Variants in FANK1 observed in about 807,000 individuals in gnomAD.
The protein encoded by FANK1 is fibronectin type III and ankyrin repeat domains 1.
Under a neutral mutation model 45.3 loss-of-function variants are expected in FANK1, and 44 were observed. That is an observed-to-expected ratio of 0.97 (90% CI 0.76 to 1.25). The LOEUF (loss-of-function observed/expected upper bound fraction) is 1.25, where lower values mean the gene tolerates loss of function less well. Among genes scored for constraint, FANK1 ranks in the 50% most tolerant of loss-of-function variants. FANK1 has a pLI of 0.00. For missense variants in FANK1, 391 were observed against 424.4 expected (o/e 0.92, Z 0.69); for synonymous variants, 149 against 152.5 (o/e 0.98, Z 0.17).
intron 1 of FANK1, among the ~76,000 whole-genome samples, chr10:125,932,549 T>C (rs1947821584): frequency 6.6e-6 from 1 of 152,186 alleles, no homozygotes; most frequent in Non-Finnish European, 1.5e-5. Context: ...GTACATTGAT[T>C]TGTGTACATT....
At chr10:125,945,076 G>A (rs1428158944) in intron 1 of FANK1, among the ~76,000 whole-genome samples, 4 of 152,124 alleles carry the variant, frequency 2.6e-5, no homozygotes, top group Non-Finnish European at 5.9e-5. Context: ...CAACGGTAAA[G>A]TGCATTATAA....
Position 125,988,884 on chromosome 10 carries a change from A to T in FANK1, c.316+209A>T, listed in dbSNP as rs73370562. 4,324 of 758,542 alleles carry T rather than the reference A, an allele frequency of 5.7e-3. 100 individuals are homozygous for T. The highest frequency in any genetic ancestry group is 0.053 in the African/African-American group (3,103 of 58,172). 47.0% of individuals were successfully genotyped at this position (758,542 alleles called of 1,614,324 possible). ...TATGCTTTCACAAACTGGGAGAGCTATTTTTGTGCCAGAACTGTCCTGTTA... is the reference window on the plus strand; with the variant it reads ...TATGCTTTCACAAACTGGGAGAGCTTTTTTTGTGCCAGAACTGTCCTGTTA... On this transcript the variant is annotated intron_variant, in intron 3 of 10. Coordinates refer to ENST00000368693, the MANE Select transcript of FANK1 (RefSeq NM_145235.5).
intron 7 of FANK1, among the ~76,000 whole-genome samples, chr10:126,005,573 G>A (rs1953135451): frequency 6.6e-6 from 1 of 152,150 alleles, no homozygotes; most frequent in Non-Finnish European, 1.5e-5. Context: ...CTCCCAAAGT[G>A]CTGGGATTAC....
intron 1 of FANK1, among the ~76,000 whole-genome samples, chr10:125,941,048 T>A (rs1179949475): frequency 6.6e-6 from 1 of 152,222 alleles, no homozygotes; most frequent in Non-Finnish European, 1.5e-5. Flanking sequence ...ATAGACATGG[T>A]AACAGTCTGA....
rs373107814 is a variant in FANK1 at position 126,009,391 on chromosome 10, G to T, written c.991G>T (p.Glu331Ter). 5.6e-6 allele frequency: 9 copies of T among 1,613,722 alleles called. No homozygotes were observed. In the African/African-American group the frequency reaches 1.2e-4, roughly 22 times the overall value. Residue 331 changes from glutamate (E) to a stop codon, truncating the protein, a stop_gained, in exon 11 of 11, where the codon GAA becomes TAA. Coordinates refer to ENST00000368693, the MANE Select transcript of FANK1 (RefSeq NM_145235.5). LOFTEE classifies it high-confidence loss of function. ...FDRQSVVSLL[E>*]ERKKKQRPKK... The stretch of plus-strand genomic sequence containing the variant: ...TATCTAGAGTGTAGTCTCCTTATTA[G>T]AAGAAAGGAAAAAAAAGCAGAGGCC...
intron 1 of FANK1, among the ~76,000 whole-genome samples, chr10:125,943,399 T>C (rs1346866811): frequency 6.6e-6 from 1 of 152,172 alleles, no homozygotes; most frequent in Admixed American, 6.5e-5. Context: ...CGGTGGCTTT[T>C]TATTATATTC....
At chr10:125,979,810 C>G (rs1951084327) in intron 1 of FANK1, 1 of 469,492 alleles carries the variant, frequency 2.1e-6, no homozygotes, top group Non-Finnish European at 4.2e-6. Flanking sequence ...TGTCTCTTGG[C>G]TTTGTTAGTC....
intron 1 of FANK1, among the ~76,000 whole-genome samples, chr10:125,945,687 A>G (rs1948742627): frequency 6.6e-6 from 1 of 152,218 alleles, no homozygotes; most frequent in African/African-American, 2.4e-5. Flanking sequence ...GGTGCCTGCT[A>G]TTGCCCAGGC....
At chr10:125,965,006 G>C (rs1228559519) in intron 1 of FANK1, among the ~76,000 whole-genome samples, 3 of 152,012 alleles carry the variant, frequency 2.0e-5, no homozygotes, top group Admixed American at 6.6e-5. Flanking sequence ...TAAAAATACA[G>C]AATTAGCCAT....
intron 1 of FANK1, among the ~76,000 whole-genome samples, chr10:125,974,580 G>C (rs1254439268): frequency 6.6e-6 from 1 of 152,096 alleles, no homozygotes; most frequent in Non-Finnish European, 1.5e-5. Flanking sequence ...ACACTCTACT[G>C]CACCCCTTGT....
intron 6 of FANK1, chr10:126,004,469 C>A: frequency 6.3e-6 from 1 of 157,930 alleles, no homozygotes; most frequent in South Asian, 1.9e-4. Context: ...CCAGAATATT[C>A]ATCCCCTGCC....
chr10:125,926,039 A>G (rs1050505121), intron 1 of FANK1, among the ~76,000 whole-genome samples: 8 of 151,964 alleles, frequency 5.3e-5, no homozygotes, highest in African/African-American at 1.9e-4. Context: ...AGTAACTGTC[A>G]TGCTAATTTA....
chr10:125,992,752 G>A (rs1378400528), intron 3 of FANK1, among the ~76,000 whole-genome samples: 2 of 152,054 alleles, frequency 1.3e-5, no homozygotes, highest in African/African-American at 4.8e-5. Context: ...TAAGATGGAG[G>A]CTGTGGAGTA....
At chr10:125,981,147 G>A (rs73370504) in intron 2 of FANK1, among the ~76,000 whole-genome samples, 2,102 of 152,310 alleles carry the variant, frequency 0.014, 46 homozygotes, top group African/African-American at 0.045. Context: ...CCTTGACAGT[G>A]CTGGCTGTTA....
intron 1 of FANK1, among the ~76,000 whole-genome samples, chr10:125,936,196 T>A (rs1470832284): frequency 6.6e-6 from 1 of 152,220 alleles, no homozygotes; most frequent in Non-Finnish European, 1.5e-5. Flanking sequence ...ACCTAATAGC[T>A]TGACACTTTT....
chr10:125,990,497 A>G (rs2134212651), intron 3 of FANK1, among the ~76,000 whole-genome samples: 1 of 152,324 alleles, frequency 6.6e-6, no homozygotes, highest in African/African-American at 2.4e-5. Flanking sequence ...GGTTGCATTT[A>G]TGTTTGTTGG....
intron 1 of FANK1, among the ~76,000 whole-genome samples, chr10:125,955,825 C>T (rs1949539918): frequency 6.6e-6 from 1 of 152,096 alleles, no homozygotes; most frequent in Admixed American, 6.5e-5. Flanking sequence ...TGCTTCATCT[C>T]AAGTGATTAT....
At chr10:125,964,491 C>T (rs779688859) in intron 1 of FANK1, among the ~76,000 whole-genome samples, 3 of 152,116 alleles carry the variant, frequency 2.0e-5, no homozygotes, top group Non-Finnish European at 4.4e-5. Flanking sequence ...CTGCACCTGA[C>T]CTATATTGTA....
chr10:125,913,468 G>T lies in FANK1; in HGVS notation c.13+16813G>T, dbSNP rs894911665. Among the ~76,000 whole-genome samples the T allele has an allele frequency of 4.6e-5, 7 of 152,294 alleles. No homozygotes were observed. The South Asian group carries it at 1.2e-3, about 27-fold the overall frequency. On this transcript the variant is annotated intron_variant, in intron 1 of 10. Transcript: ENST00000368693. ...GCTCAGCTTCATTCACTAATCAGTT[G>T]CCCGTTGGTAACTTGATTACAGATA...
Sources: allele counts gnomAD v4.1 joint callset (sites outside exome capture counted in the v4.1 genomes callset), GRCh38; gene constraint gnomAD v4.1.1; transcripts MANE v1.5; gene names NCBI Gene and HGNC (gene_info 2026-07-23, HGNC 2026-07-21).